SLC38A1: variants seen among roughly 807,000 people sequenced by gnomAD.
SLC38A1 encodes the protein solute carrier family 38 member 1, also known as sodium-coupled neutral amino acid symporter 1.
Under a neutral mutation model 60.3 loss-of-function variants are expected in SLC38A1, and 18 were observed. The ratio of observed to expected loss-of-function variants is 0.30; its 90% CI spans 0.21 to 0.44. The LOEUF (loss-of-function observed/expected upper bound fraction) is 0.44, where lower values mean the gene tolerates loss of function less well. SLC38A1 is among the 20% of genes least tolerant of loss of function. The pLI is 1.00. For synonymous variants in SLC38A1, 196 were observed against 212.1 expected (o/e 0.92, Z 0.66); for missense variants, 448 against 587.2 (o/e 0.76, Z 2.45).
chr12:46,248,580 T>C (rs540693282), intron 1 of SLC38A1, among the ~76,000 whole-genome samples: 8 of 152,222 alleles, frequency 5.3e-5, no homozygotes, highest in Non-Finnish European at 1.0e-4. Flanking sequence ...ACAATAATAA[T>C]GGGAGGCTTT....
At chr12:46,220,379 A>T (rs1378828070) in intron 5 of SLC38A1, among the ~76,000 whole-genome samples, 4 of 152,246 alleles carry the variant, frequency 2.6e-5, no homozygotes, top group African/African-American at 7.2e-5. Context: ...TTTCTAAGGA[A>T]CTGTGACTAT....
chr12:46,263,943 T>C (rs938100937), intron 1 of SLC38A1, among the ~76,000 whole-genome samples: 6 of 152,276 alleles, frequency 3.9e-5, no homozygotes, highest in African/African-American at 1.4e-4. Flanking sequence ...ATTTAATTTC[T>C]GATGTTTGTT....
rs150925057 is a variant in SLC38A1 at position 46,225,964 on chromosome 12, A to T, written c.314+3189T>A. Among the ~76,000 whole-genome samples, 3 of 152,330 alleles carry T rather than the reference A, an allele frequency of 2.0e-5. No homozygotes were observed. The East Asian group carries it at 5.8e-4, about 29-fold the overall frequency. Reference sequence around the variant, plus strand: ...AAAAGACTTAAAATACATATCAACCAATTGCACTGTGTGAACCTTATCTGA... The same window carrying T: ...AAAAGACTTAAAATACATATCAACCTATTGCACTGTGTGAACCTTATCTGA... On this transcript the variant is annotated intron_variant, in intron 5 of 16. Transcript: ENST00000398637.
chr12:46,201,952 G>A (rs1939679628), intron 12 of SLC38A1, among the ~76,000 whole-genome samples: 1 of 151,212 alleles, frequency 6.6e-6, no homozygotes, highest in Non-Finnish European at 1.5e-5. Flanking sequence ...CAGCACTTTG[G>A]GAGGCTGAGG....
chr12:46,216,827 T>A (rs937876977), intron 5 of SLC38A1, among the ~76,000 whole-genome samples: 18 of 151,724 alleles, frequency 1.2e-4, no homozygotes, highest in Non-Finnish European at 2.9e-5. Context: ...GTCACTGCAC[T>A]GCAGCCTGGG....
chr12:46,227,933 A>G (rs969554451), intron 5 of SLC38A1, among the ~76,000 whole-genome samples: 2 of 152,164 alleles, frequency 1.3e-5, no homozygotes, highest in African/African-American at 2.4e-5. Context: ...GCAGTCTACT[A>G]TCCTCAGAGA....
chr12:46,221,943 T>A (rs1253232529), intron 5 of SLC38A1, among the ~76,000 whole-genome samples: 1 of 152,038 alleles, frequency 6.6e-6, no homozygotes, highest in Non-Finnish European at 1.5e-5. Flanking sequence ...AAGACAGAGA[T>A]GAGACAGGGT....
At chr12:46,248,546 C>G (rs1311830594) in intron 1 of SLC38A1, among the ~76,000 whole-genome samples, 1 of 152,112 alleles carries the variant, frequency 6.6e-6, no homozygotes, top group Non-Finnish European at 1.5e-5. Flanking sequence ...CCTTAGAGAC[C>G]TGCAAAGAGA....
intron 1 of SLC38A1, among the ~76,000 whole-genome samples, chr12:46,251,495 G>A (rs1212500144): frequency 6.6e-6 from 1 of 152,182 alleles, no homozygotes; most frequent in South Asian, 2.1e-4. Flanking sequence ...ATTGACAAAT[G>A]GGATCTAATT....
chr12:46,197,625 C>A (rs966473276), intron 16 of SLC38A1, 95 bp downstream of exon 16: 2 of 822,326 alleles, frequency 2.4e-6, no homozygotes, highest in Non-Finnish European at 4.0e-6. Context: ...TTCAAGGCAA[C>A]TGAAAGTAGT....
At chr12:46,252,952 A>G (rs1050757830) in intron 1 of SLC38A1, among the ~76,000 whole-genome samples, 1 of 151,970 alleles carries the variant, frequency 6.6e-6, no homozygotes, top group Non-Finnish European at 1.5e-5. Context: ...AGAAACAGAA[A>G]GAAAAATACT....
chr12:46,197,774 A>G lies in SLC38A1; in HGVS notation c.1308T>C (p.Ser436=). 6.2e-7 allele frequency: 1 copy of G among 1,601,866 alleles called. No homozygotes were observed. Among genetic ancestry groups the G allele is most frequent in the Non-Finnish European group, 8.5e-7 (1 of 1,176,908 alleles). Residue 436 remains serine, a synonymous_variant, in exon 16 of 17, where the codon TCT becomes TCC. Coordinates refer to ENST00000398637, the MANE Select transcript of SLC38A1 (RefSeq NM_030674.4). ...ANMLIFILPS[S]LYLKITDQDG... is the part of the protein sequence containing the mutation. ...CCTGGTCTGTGATTTTTAAATAAAG[A>G]GATGAAGGAAGAATGAAAATAAGCA...
intron 5 of SLC38A1, among the ~76,000 whole-genome samples, chr12:46,218,594 G>A (rs1240994317): frequency 6.6e-6 from 1 of 152,082 alleles, no homozygotes; most frequent in Non-Finnish European, 1.5e-5. Context: ...TTTTAGTTTT[G>A]TAGTCGCCCA....
chr12:46,188,136 C>A lies in SLC38A1; in HGVS notation c.*834G>T, dbSNP rs960969938. 1.3e-5 allele frequency: 2 copies of A among 152,144 alleles called. No homozygotes were observed. The highest frequency in any genetic ancestry group is 2.9e-5 in the Non-Finnish European group (2 of 68,032). The allele number at this position is 152,144 out of a possible 1,614,324, so 9.4% of individuals were successfully genotyped here. A position where few individuals can be genotyped will look rare whatever the true frequency, so the allele number is the denominator to read the frequency against. On this transcript the variant is annotated 3_prime_UTR_variant, in exon 17 of 17. Coordinates refer to ENST00000398637, the MANE Select transcript of SLC38A1 (RefSeq NM_030674.4). Reference sequence around the variant, plus strand: ...TTAGGCATTTTGGACAATCTTTTTGCAGTAGGTTCCATAGGTTTTCCCCAG... The same window carrying A: ...TTAGGCATTTTGGACAATCTTTTTGAAGTAGGTTCCATAGGTTTTCCCCAG...
intron 6 of SLC38A1, among the ~76,000 whole-genome samples, chr12:46,208,052 A>C (rs964429545): frequency 6.6e-6 from 1 of 152,224 alleles, no homozygotes; most frequent in African/African-American, 2.4e-5. Flanking sequence ...TTAGGCAAAC[A>C]AGGAATTATC....
At chr12:46,224,031 C>G (rs143793964) in intron 5 of SLC38A1, among the ~76,000 whole-genome samples, 105 of 152,290 alleles carry the variant, frequency 6.9e-4, no homozygotes, top group African/African-American at 2.4e-3. Flanking sequence ...CACCATTCTT[C>G]CATGTCAATA....
chr12:46,261,886 C>T (rs1032347366), intron 1 of SLC38A1, among the ~76,000 whole-genome samples: 50 of 152,158 alleles, frequency 3.3e-4, no homozygotes, highest in African/African-American at 1.2e-3. Flanking sequence ...TGCCTGGAGA[C>T]ATTTTGGGTT....
intron 3 of SLC38A1, among the ~76,000 whole-genome samples, chr12:46,231,797 G>A (rs1169646161): frequency 6.6e-6 from 1 of 152,004 alleles, no homozygotes; most frequent in East Asian, 1.9e-4. Context: ...GCACCACCAC[G>A]CCCAGCTAAT....
At chr12:46,211,524 C>T (rs1213286534) in intron 5 of SLC38A1, among the ~76,000 whole-genome samples, 1 of 152,250 alleles carries the variant, frequency 6.6e-6, no homozygotes, top group African/African-American at 2.4e-5. Context: ...GTAGCCTCTG[C>T]AACCACGCGG....
Sources: allele counts gnomAD v4.1 joint callset (sites outside exome capture counted in the v4.1 genomes callset), GRCh38; gene constraint gnomAD v4.1.1; transcripts MANE v1.5; gene names NCBI Gene and HGNC (gene_info 2026-07-23, HGNC 2026-07-21).